The following CTXND1 variants were observed in gnomAD, a reference collection of about 807,000 sequenced individuals.
The protein encoded by CTXND1 is cortexin domain containing 1.
intron 1 of CTXND1, among the ~76,000 whole-genome samples, chr15:80,247,500 G>A (rs1893646063): frequency 6.6e-6 from 1 of 152,112 alleles, no homozygotes; most frequent in Admixed American, 6.5e-5. Flanking sequence ...CTCCTGGGGA[G>A]GGTGGGGAGT....
At chr15:80,230,408 C>T (rs1016806259) in intron 1 of CTXND1, among the ~76,000 whole-genome samples, 15 of 152,316 alleles carry the variant, frequency 9.8e-5, no homozygotes, top group African/African-American at 2.9e-4. Context: ...CAACGCCTGG[C>T]CAGTCATACC....
intron 1 of CTXND1, among the ~76,000 whole-genome samples, chr15:80,233,698 C>T (rs4778769): frequency 0.36 from 55,236 of 152,094 alleles, 10,784 homozygotes; most frequent in East Asian, 0.49. Context: ...CCCACTTCCC[C>T]CACAGCGACT....
intron 1 of CTXND1, among the ~76,000 whole-genome samples, chr15:80,227,807 G>A (rs887578114): frequency 1.3e-4 from 20 of 152,212 alleles, no homozygotes; most frequent in African/African-American, 4.6e-4. Context: ...ACTAATCAGG[G>A]TGGCGGTTAC....
At chr15:80,215,947 G>A (rs778027263) in intron 1 of CTXND1, among the ~76,000 whole-genome samples, 26 of 152,054 alleles carry the variant, frequency 1.7e-4, no homozygotes, top group Non-Finnish European at 3.4e-4. Flanking sequence ...GGGTCCTGGG[G>A]GCCTCATACA....
At chr15:80,220,142 CTATCATCT>C (rs769134669) in intron 1 of CTXND1, among the ~76,000 whole-genome samples, 16,204 of 111,090 alleles carry the variant, frequency 0.15, 874 homozygotes, top group African/African-American at 0.17. Context: ...ATCTATCTAT[CTATCATCT>C]ATCTATCTAT....
chr15:80,204,266 A>G (rs972854839), intron 1 of CTXND1, among the ~76,000 whole-genome samples: 1 of 149,720 alleles, frequency 6.7e-6, no homozygotes, highest in Non-Finnish European at 1.5e-5. Context: ...GTGACCACAT[A>G]CACATAATAT....
At chr15:80,206,794 C>T (rs147838763) in intron 1 of CTXND1, among the ~76,000 whole-genome samples, 240 of 152,296 alleles carry the variant, frequency 1.6e-3, no homozygotes, top group African/African-American at 5.4e-3. Flanking sequence ...TATTTCTACA[C>T]GGTTAGGGGA....
At chr15:80,205,901 C>T (rs981769301) in intron 1 of CTXND1, among the ~76,000 whole-genome samples, 2 of 151,922 alleles carry the variant, frequency 1.3e-5, no homozygotes, top group Admixed American at 6.5e-5. Context: ...CCAGACCAAA[C>T]CCCTGGTGTT....
chr15:80,204,163 AAAAAAAATATATATATAT>A (rs1893118879), intron 1 of CTXND1, among the ~76,000 whole-genome samples: 1 of 33,906 alleles, frequency 2.9e-5, no homozygotes, highest in East Asian at 1.2e-3. Context: ...AAAAAAAAAA[AAAAAAAATATATATATAT>A]ATATATATAT....
chr15:80,225,735 C>G (rs557105698), intron 1 of CTXND1, among the ~76,000 whole-genome samples: 94 of 152,276 alleles, frequency 6.2e-4, no homozygotes, highest in African/African-American at 2.2e-3. Flanking sequence ...TGCTATCACT[C>G]CATAAAATCA....
intron 1 of CTXND1, among the ~76,000 whole-genome samples, chr15:80,204,167 AAAAT>A (rs1893119496): frequency 4.0e-5 from 1 of 25,034 alleles, no homozygotes; most frequent in African/African-American, 1.9e-4. Context: ...AAAAAAAAAA[AAAAT>A]ATATATATAT....
In CTXND1 at chr15:80,233,586, A is replaced by G. The variant is rs1027537059; in HGVS notation, c.-218+18421T>C. Among the ~76,000 whole-genome samples the G allele has an allele frequency of 1.8e-4, 28 of 152,058 alleles. 1 individual carries two copies. Among genetic ancestry groups the G allele is most frequent in the African/African-American group, 6.8e-4 (28 of 41,412 alleles). On this transcript the variant is annotated intron_variant, in intron 1 of 2. Transcript: ENST00000560778. ...ACATCACAGAATGACCAAGTCTCCC[A>G]AGGATTCTTCCTCCCTGAACAAAGT...
At chr15:80,243,239 T>C (rs1243405078) in intron 1 of CTXND1, among the ~76,000 whole-genome samples, 1 of 152,200 alleles carries the variant, frequency 6.6e-6, no homozygotes, top group Admixed American at 6.5e-5. Flanking sequence ...CATCCCAGGC[T>C]GGTGAACACA....
intron 1 of CTXND1, among the ~76,000 whole-genome samples, chr15:80,231,259 C>A (rs1349264833): frequency 6.6e-6 from 1 of 151,910 alleles, no homozygotes; most frequent in East Asian, 1.9e-4. Flanking sequence ...GCCCTCAATG[C>A]TCCCTCATTA....
At chr15:80,240,591 C>A (rs1893554504) in intron 1 of CTXND1, among the ~76,000 whole-genome samples, 1 of 151,138 alleles carries the variant, frequency 6.6e-6, no homozygotes, top group South Asian at 2.1e-4. Flanking sequence ...AAGCCTCTCC[C>A]GAAGACTCTT....
At chr15:80,230,597 C>CT (rs1207437314) in intron 1 of CTXND1, among the ~76,000 whole-genome samples, 4 of 151,750 alleles carry the variant, frequency 2.6e-5, no homozygotes, top group Non-Finnish European at 5.9e-5. Context: ...GTTTGCCATT[C>CT]TTTTTTTTAA....
chr15:80,238,868 A>C (rs376203938), intron 1 of CTXND1, among the ~76,000 whole-genome samples: 1 of 152,254 alleles, frequency 6.6e-6, no homozygotes, highest in South Asian at 2.1e-4. Context: ...CCTAGGAGCA[A>C]TCAGCTACAC....
At chr15:80,218,428 C>T (rs1251074511) in intron 1 of CTXND1, among the ~76,000 whole-genome samples, 5 of 152,108 alleles carry the variant, frequency 3.3e-5, no homozygotes, top group African/African-American at 7.2e-5. Context: ...TGTGAGCCAC[C>T]GCTCCTGGCC....
intron 1 of CTXND1, among the ~76,000 whole-genome samples, chr15:80,217,521 C>CTTATTATTTAT: frequency 7.0e-6 from 1 of 143,768 alleles, no homozygotes; most frequent in African/African-American, 2.6e-5. Flanking sequence ...CAATAGCTTG[C>CTTATTATTTAT]TTATTTATTT....
Sources: gnomAD v4.1 joint callset for allele counts (sites outside exome capture counted in the v4.1 genomes callset) on GRCh38, gnomAD v4.1.1 for gene constraint, MANE v1.5 for transcripts, NCBI Gene and HGNC (gene_info 2026-07-23, HGNC 2026-07-21) for gene names.